ROBO2: variants seen among roughly 807,000 people sequenced by gnomAD.
ROBO2 encodes the protein roundabout guidance receptor 2, also known as roundabout homolog 2.
Under a neutral mutation model 160.8 loss-of-function variants are expected in ROBO2, and 53 were observed. The observed-to-expected ratio is 0.33, with a 90% CI of 0.26 to 0.41. The LOEUF (loss-of-function observed/expected upper bound fraction) is 0.41, where lower values mean the gene tolerates loss of function less well. ROBO2 is among the 10% of genes least tolerant of loss of function. ROBO2 has a pLI of 1.00. For synonymous variants in ROBO2, 664 were observed against 611.7 expected, an observed-to-expected ratio of 1.09 and a Z score of -1.26; for missense variants, 1,577 against 1,722.4, an observed-to-expected ratio of 0.92 and a Z score of 1.49.
intron 2 of ROBO2, among the ~76,000 whole-genome samples, chr3:76,232,210 G>A (rs34170719): frequency 0.92 from 139,342 of 152,224 alleles, 63,938 homozygotes; most frequent in Middle Eastern, 0.98. Context: ...TACTAAAGAA[G>A]TTCTCAATAG....
At chr3:76,643,670 G>A (rs895969948) in intron 2 of ROBO2, among the ~76,000 whole-genome samples, 32 of 50,230 alleles carry the variant, frequency 6.4e-4, no homozygotes, top group African/African-American at 2.7e-3. Flanking sequence ...GTCTACCCCT[G>A]TTTCTGCTCT....
chr3:76,478,828 T>A (rs2079069487), intron 2 of ROBO2, among the ~76,000 whole-genome samples: 1 of 151,700 alleles, frequency 6.6e-6, no homozygotes, highest in Admixed American at 6.6e-5. Context: ...GCCTGTCACC[T>A]CATCTGGCTA....
At chr3:76,099,698 T>G (rs1304933253) in intron 2 of ROBO2, among the ~76,000 whole-genome samples, 2 of 152,176 alleles carry the variant, frequency 1.3e-5, no homozygotes, top group Non-Finnish European at 2.9e-5. Flanking sequence ...CTGCAAAATT[T>G]CTGATTTTTT....
At chr3:77,641,110 T>C (rs1235055553) in intron 24 of ROBO2, among the ~76,000 whole-genome samples, 1 of 152,252 alleles carries the variant, frequency 6.6e-6, no homozygotes, top group Non-Finnish European at 1.5e-5. Flanking sequence ...AAGTCAGTAC[T>C]ATCGAATATA....
chr3:77,644,361 T>C (rs900357024), intron 24 of ROBO2, among the ~76,000 whole-genome samples: 53 of 152,334 alleles, frequency 3.5e-4, no homozygotes, highest in Admixed American at 2.6e-3. Context: ...TGGAGCCTCA[T>C]TGAACTTTAG....
intron 2 of ROBO2, among the ~76,000 whole-genome samples, chr3:75,992,163 G>T (rs1276836270): frequency 6.6e-6 from 1 of 152,166 alleles, no homozygotes; most frequent in African/African-American, 2.4e-5. Flanking sequence ...TAAGAAACCA[G>T]GAGCTGAATG....
At chr3:76,760,046 T>C (rs1656774622) in intron 2 of ROBO2, among the ~76,000 whole-genome samples, 1 of 151,724 alleles carries the variant, frequency 6.6e-6, no homozygotes, top group African/African-American at 2.4e-5. Flanking sequence ...TTGATGAATA[T>C]GATTTCAAGG....
At chr3:76,020,599 T>G (rs1004918075) in intron 2 of ROBO2, among the ~76,000 whole-genome samples, 1 of 151,878 alleles carries the variant, frequency 6.6e-6, no homozygotes, top group African/African-American at 2.4e-5. Flanking sequence ...GACCTTAGAA[T>G]TATAAAAATC....
chr3:76,583,518 C>A (rs2085837145), intron 2 of ROBO2, among the ~76,000 whole-genome samples: 1 of 152,166 alleles, frequency 6.6e-6, no homozygotes, highest in Non-Finnish European at 1.5e-5. Flanking sequence ...AACATTTTAA[C>A]ATGTTAATTC....
intron 2 of ROBO2, among the ~76,000 whole-genome samples, chr3:76,495,308 T>C (rs1319314468): frequency 6.6e-6 from 1 of 151,714 alleles, no homozygotes; most frequent in Non-Finnish European, 1.5e-5. Flanking sequence ...TATTGGTTAA[T>C]TAATATCTCA....
At chr3:76,858,011 C>G (rs2070321837) in intron 2 of ROBO2, among the ~76,000 whole-genome samples, 1 of 151,860 alleles carries the variant, frequency 6.6e-6, no homozygotes, top group African/African-American at 2.4e-5. Context: ...CTTCAAGACT[C>G]TCCTCATTCT....
chr3:76,055,871 G>A (rs2067827617), intron 2 of ROBO2, among the ~76,000 whole-genome samples: 1 of 152,174 alleles, frequency 6.6e-6, no homozygotes, highest in Admixed American at 6.5e-5. Context: ...CGATTCTCCT[G>A]CCTCAGCCTC....
At chr3:76,180,639 C>T (rs764737732) in intron 2 of ROBO2, among the ~76,000 whole-genome samples, 12 of 152,116 alleles carry the variant, frequency 7.9e-5, no homozygotes, top group Non-Finnish European at 1.5e-4. Context: ...CCTGCTGCAA[C>T]GATCTTATTT....
intron 2 of ROBO2, among the ~76,000 whole-genome samples, chr3:76,068,150 G>C (rs1236431402): frequency 6.6e-6 from 1 of 152,140 alleles, no homozygotes; most frequent in Non-Finnish European, 1.5e-5. Flanking sequence ...ATGCAGGATA[G>C]CCTAGTTGTT....
chr3:76,622,235 G>GAAGAAAGAAAGAAAGAAAGAAAGAAGGA (rs2089188099), intron 2 of ROBO2, among the ~76,000 whole-genome samples: 1 of 44,792 alleles, frequency 2.2e-5, no homozygotes, highest in Non-Finnish European at 4.2e-5. Flanking sequence ...AGGAAGGAAG[G>GAAGAAAGAAAGAAAGAAAGAAAGAAGGA]AAGAAAGAAA....
At chr3:76,214,199 A>G (rs1703340433) in intron 2 of ROBO2, among the ~76,000 whole-genome samples, 1 of 152,228 alleles carries the variant, frequency 6.6e-6, no homozygotes, top group Non-Finnish European at 1.5e-5. Flanking sequence ...TTTCTCCAGC[A>G]TGATACAACA....
intron 2 of ROBO2, among the ~76,000 whole-genome samples, chr3:77,226,470 G>C (rs1335199406): frequency 6.6e-6 from 1 of 151,984 alleles, no homozygotes; most frequent in East Asian, 1.9e-4. Context: ...TAGAGTTGCT[G>C]GTAGATTTTG....
At chr3:76,354,165 A>G (rs571055022) in intron 2 of ROBO2, among the ~76,000 whole-genome samples, 1 of 152,108 alleles carries the variant, frequency 6.6e-6, no homozygotes, top group Admixed American at 6.6e-5. Flanking sequence ...CAAATACACA[A>G]CTATTAAAAT....
chr3:76,968,826 C>CT lies in ROBO2; in HGVS notation c.110-129182dup, dbSNP rs568172776. Among the ~76,000 whole-genome samples, 36 of 152,188 alleles carry CT rather than the reference C, an allele frequency of 2.4e-4. No homozygotes were observed. In the East Asian group the frequency reaches 6.2e-3, roughly 26 times the overall value. ...ATTCTCTGTTGTTATGTAGGTTATA[C>CT]TTTTTTCAACAGAGTTTATATTTTT... On this transcript the variant is annotated intron_variant, in intron 2 of 26. Coordinates refer to the ROBO2 transcript ENST00000487694.
Sources: allele counts gnomAD v4.1 joint callset (sites outside exome capture counted in the v4.1 genomes callset), GRCh38; gene constraint gnomAD v4.1.1; transcripts MANE v1.5; gene names NCBI Gene and HGNC (gene_info 2026-07-23, HGNC 2026-07-21).